The following SLC23A2 variants were observed in gnomAD, a reference collection of about 807,000 sequenced individuals.
SLC23A2 encodes Na(+)/L-ascorbic acid transporter 2.
In SLC23A2, 36 loss-of-function variants were observed where a neutral mutation model predicts 73.3. That is an observed-to-expected ratio of 0.49 (90% CI 0.38 to 0.65). The LOEUF is 0.65. SLC23A2 is among the 30% of genes least tolerant of loss of function. The pLI is 0.00. For synonymous variants in SLC23A2, 343 were observed against 327.3 expected, an observed-to-expected ratio of 1.05 and a Z score of -0.52; for missense variants, 507 against 841.6, an observed-to-expected ratio of 0.60 and a Z score of 4.92.
rs555580986 is a variant in SLC23A2, at chr20:4,937,605, T to C, written c.-154-4889A>G. 2.0e-5 allele frequency among the ~76,000 whole-genome samples: 3 copies of C among 152,354 alleles called. 1 individual carries two copies. The South Asian group carries it at 6.2e-4, about 32-fold the overall frequency. ...ACACAAACTCTACAAAAGTAGAAACTGAGCTTCAGAGAAGTCAAATAACTT... is the reference window on the plus strand; with the variant it reads ...ACACAAACTCTACAAAAGTAGAAACCGAGCTTCAGAGAAGTCAAATAACTT... On this transcript the variant is annotated intron_variant, in intron 2 of 16. Transcript: ENST00000338244.
intron 1 of SLC23A2, among the ~76,000 whole-genome samples, chr20:4,984,088 T>C (rs56864681): frequency 6.6e-6 from 1 of 151,762 alleles, no homozygotes; most frequent in Non-Finnish European, 1.5e-5. Context: ...CTCAACAATA[T>C]AAAGACAAGT....
chr20:4,992,466 G>A (rs1043102485), intron 1 of SLC23A2, among the ~76,000 whole-genome samples: 1 of 149,066 alleles, frequency 6.7e-6, no homozygotes, highest in Non-Finnish European at 1.5e-5. Context: ...TAAAATTTAG[G>A]GATAACAAAG....
intron 1 of SLC23A2, among the ~76,000 whole-genome samples, chr20:5,008,426 C>T (rs2088214000): frequency 6.6e-6 from 1 of 152,166 alleles, no homozygotes; most frequent in Non-Finnish European, 1.5e-5. Flanking sequence ...GCCCAAGGGG[C>T]TCAAAGAAGC....
In SLC23A2 at chr20:4,883,804, A is replaced by G; in HGVS notation, c.662T>C (p.Met221Thr). 1 of 1,611,104 alleles carries G rather than the reference A, an allele frequency of 6.2e-7. No individual in the cohort carries two copies. Among genetic ancestry groups the G allele is most frequent in the Non-Finnish European group, 8.5e-7 (1 of 1,178,620 alleles). ...GATGACTACTTCTATCAGTGAGGAC[A>G]TGATGATGGCCCCCTGGATCTGCAA... is the stretch of plus-strand genomic sequence containing the variant. The part of the protein sequence containing the change: ...RIREIQGAII[M>T]SSLIEVVIGL... Residue 221 changes from methionine (M) to threonine (T), a missense_variant, in exon 9 of 17, where the codon ATG becomes ACG. Coordinates refer to ENST00000338244, the MANE Select transcript of SLC23A2 (RefSeq NM_005116.6). This position sits in a 1 kb window ranked among gnomAD's most constrained non-coding sequence, Gnocchi z 4.5.
intron 2 of SLC23A2, among the ~76,000 whole-genome samples, chr20:4,943,926 A>G (rs752173838): frequency 6.6e-6 from 1 of 152,156 alleles, no homozygotes; most frequent in Non-Finnish European, 1.5e-5. Context: ...GACACGAGAC[A>G]TGCAGTCTGA....
rs1199564379 is a variant in SLC23A2 at position 4,862,300 on chromosome 20, C to T, written c.1487-215G>A. Among the ~76,000 whole-genome samples the T allele has an allele frequency of 2.0e-5, 3 of 152,212 alleles. No individual in the cohort carries two copies. Among genetic ancestry groups the T allele is most frequent in the Admixed American group, 6.5e-5 (1 of 15,282 alleles). ...GGCGTACGCGCTATTTGGGCTCCTA[C>T]GGGAGCATAAACACCATGTGGCATT... is the stretch of plus-strand genomic sequence containing the variant. On this transcript the variant is annotated intron_variant, in intron 14 of 16. Transcript: ENST00000338244. This position sits in a 1 kb window ranked among gnomAD's most constrained non-coding sequence, Gnocchi z 5.1.
intron 2 of SLC23A2, among the ~76,000 whole-genome samples, chr20:4,935,622 T>C (rs2086950648): frequency 6.6e-6 from 1 of 151,672 alleles, no homozygotes; most frequent in Non-Finnish European, 1.5e-5. Context: ...CATGGTGAAA[T>C]CCCATCTCAA....
Position 4,856,667 on chromosome 20 carries a change from C to A in SLC23A2, c.*305G>T. ...CCTGGGTGGTGGAAGGGAACTGAAG[C>A]AAGGAATGGCTGCAGATTTTAAATG... On this transcript the variant is annotated 3_prime_UTR_variant, in exon 17 of 17. Transcript: ENST00000338244. The surrounding 1 kb of genome is among the most constrained non-coding windows in gnomAD (Gnocchi z 4.6). The A allele has an allele frequency of 3.5e-6, 1 of 286,034 alleles. No individual in the cohort carries two copies. Among genetic ancestry groups the A allele is most frequent in the Non-Finnish European group, 6.6e-6 (1 of 152,004 alleles). The allele number at this position is 286,034 out of a possible 1,614,324, so 17.7% of individuals were successfully genotyped here.
chr20:4,977,901 C>T (rs2087669121), intron 1 of SLC23A2, among the ~76,000 whole-genome samples: 2 of 152,006 alleles, frequency 1.3e-5, no homozygotes, highest in Admixed American at 6.6e-5. Flanking sequence ...TCACTAAAAA[C>T]AGTTTTGCTC....
chr20:4,965,170 G>C lies in SLC23A2; in HGVS notation c.-155+5623C>G, dbSNP rs141869487. Among the ~76,000 whole-genome samples the C allele has an allele frequency of 4.9e-3, 739 of 152,234 alleles. 4 individuals are homozygous for C. The Middle Eastern group carries it at 0.054, about 11-fold the overall frequency. On this transcript the variant is annotated intron_variant, in intron 2 of 16. Coordinates refer to ENST00000338244, the MANE Select transcript of SLC23A2 (RefSeq NM_005116.6). ...TAGTCAGTGTGCTCCCGGAGAGAGC[G>C]CTGGGAGGGCTAGAGTTTCCTGGTA...
chr20:4,866,511 C>T lies in SLC23A2; in HGVS notation c.1356+1259G>A, dbSNP rs551210738. On this transcript the variant is annotated intron_variant, in intron 13 of 16. Coordinates refer to ENST00000338244, the MANE Select transcript of SLC23A2 (RefSeq NM_005116.6). ...CTTCTCACCATGGGTAGCAAAAGGA[C>T]CTCCAGGATGGCGCTAGAGGAAGCG... Among the ~76,000 whole-genome samples the T allele has an allele frequency of 4.7e-4, 71 of 152,290 alleles. 1 individual carries two copies. The East Asian group carries it at 9.1e-3, about 20-fold the overall frequency.
chr20:4,938,030 C>CT (rs372042944), intron 2 of SLC23A2, among the ~76,000 whole-genome samples: 5,831 of 138,224 alleles, frequency 0.042, 374 homozygotes, highest in African/African-American at 0.13. Context: ...CTCATTCCAT[C>CT]TTTTTTTTTT....
chr20:5,003,544 G>A (rs986853077), upstream of SLC23A2, among the ~76,000 whole-genome samples: 1 of 149,408 alleles, frequency 6.7e-6, no homozygotes, highest in Non-Finnish European at 1.5e-5. Context: ...CGATGTGTTT[G>A]CTTAGCAAGG....
chr20:4,932,761 A>C (rs1238039065), intron 2 of SLC23A2, 45 bp from the exon 3 acceptor site: 1 of 555,358 alleles, frequency 1.8e-6, no homozygotes, highest in African/African-American at 1.9e-5. Context: ...GCATGAAAAC[A>C]ACACAGGCCA....
chr20:4,918,144 C>T (rs1932388836), intron 3 of SLC23A2, among the ~76,000 whole-genome samples: 1 of 152,124 alleles, frequency 6.6e-6, no homozygotes, highest in Admixed American at 6.5e-5. Flanking sequence ...TCTTGGGAAG[C>T]TTTCTAAACT....
chr20:4,973,771 G>A (rs1213592652), intron 1 of SLC23A2, among the ~76,000 whole-genome samples: 1 of 152,144 alleles, frequency 6.6e-6, no homozygotes, highest in African/African-American at 2.4e-5. Flanking sequence ...CAGGTCAGAG[G>A]AAACATCACT....
intron 2 of SLC23A2, among the ~76,000 whole-genome samples, chr20:4,943,983 A>T (rs966784818): frequency 6.6e-6 from 1 of 152,192 alleles, no homozygotes; most frequent in Non-Finnish European, 1.5e-5. Context: ...GTGGTTACCT[A>T]GGGCAAGAAT....
At chr20:4,882,297 C>G (rs1013416062) in intron 9 of SLC23A2, among the ~76,000 whole-genome samples, 3 of 152,022 alleles carry the variant, frequency 2.0e-5, no homozygotes, top group Non-Finnish European at 2.9e-5. Context: ...ATTGCTTAAA[C>G]TCGGGAGGTG....
intron 16 of SLC23A2, among the ~76,000 whole-genome samples, chr20:4,858,549 T>G (rs955762246): frequency 6.6e-6 from 1 of 152,090 alleles, no homozygotes; most frequent in Non-Finnish European, 1.5e-5. Context: ...TTTTTGGAGA[T>G]GGGTTGTTTA....
Sources: gnomAD v4.1 joint callset for allele counts (sites outside exome capture counted in the v4.1 genomes callset) on GRCh38, gnomAD v4.1.1 for gene constraint, Gnocchi (gnomAD v3.1) non-coding constraint, MANE v1.5 for transcripts, NCBI Gene and HGNC (gene_info 2026-07-23, HGNC 2026-07-21) for gene names.